Variants in CAMK4 observed in about 807,000 individuals in gnomAD.
CAMK4 encodes calcium/calmodulin dependent protein kinase IV, also known as calcium/calmodulin-dependent protein kinase type IV.
In CAMK4, 22 loss-of-function variants were observed where a neutral mutation model predicts 44.9. That is an observed-to-expected ratio of 0.49 (90% confidence interval 0.35 to 0.70). The LOEUF (loss-of-function observed/expected upper bound fraction) is 0.70. CAMK4 is among the 30% of genes least tolerant of loss of function. The pLI is 0.01. For missense variants in CAMK4, 498 were observed against 586.8 expected (o/e 0.85, Z 1.56); for synonymous variants, 218 against 215.4 (o/e 1.01, Z -0.11).
chr5:111,445,059 T>C (rs1010284421), intron 5 of CAMK4, among the ~76,000 whole-genome samples: 61 of 152,344 alleles, frequency 4.0e-4, no homozygotes, highest in African/African-American at 1.3e-3. Flanking sequence ...ATAAAAATGC[T>C]GTATGCCTTG....
At position 111,491,195 on chromosome 5, in the gene CAMK4, A is replaced by G. The variant is rs1460846208; in HGVS notation, c.*6729A>G. 5 of 152,190 alleles carry G rather than the reference A, an allele frequency of 3.3e-5. No homozygotes were observed. The highest frequency in any genetic ancestry group is 1.2e-4 in the African/African-American group (5 of 41,450). 9.4% of individuals were successfully genotyped at this position (152,190 alleles called of 1,614,324 possible). On this transcript the variant is annotated 3_prime_UTR_variant, in exon 11 of 11. Coordinates refer to ENST00000282356, the MANE Select transcript of CAMK4 (RefSeq NM_001744.6). The stretch of plus-strand genomic sequence containing the variant: ...AAGCAACCAATGATTCACAGAGCAA[A>G]TCTACCAAAGCCCCATTTTTATTGG...
chr5:111,385,933 G>C (rs1441589736), intron 4 of CAMK4, among the ~76,000 whole-genome samples: 1 of 151,996 alleles, frequency 6.6e-6, no homozygotes, highest in Non-Finnish European at 1.5e-5. Context: ...AAGTAGACTG[G>C]GAATCTTTTA....
At chr5:111,298,575 G>T (rs11960269) in intron 1 of CAMK4, among the ~76,000 whole-genome samples, 50,804 of 152,060 alleles carry the variant, frequency 0.33, 8,913 homozygotes, top group African/African-American at 0.44. Flanking sequence ...CTGCATAACG[G>T]GGAGCCACTA....
intron 4 of CAMK4, among the ~76,000 whole-genome samples, chr5:111,389,552 G>T (rs1358620390): frequency 6.6e-6 from 1 of 152,160 alleles, no homozygotes; most frequent in Non-Finnish European, 1.5e-5. Context: ...GACAGCTCAT[G>T]GTTGTGGAAG....
At chr5:111,309,222 T>A (rs925244312) in intron 1 of CAMK4, among the ~76,000 whole-genome samples, 5 of 152,200 alleles carry the variant, frequency 3.3e-5, no homozygotes, top group African/African-American at 9.6e-5. Flanking sequence ...TCAGTAAGCA[T>A]GTACACCAAA....
intron 1 of CAMK4, among the ~76,000 whole-genome samples, chr5:111,334,031 G>T (rs184184866): frequency 1.4e-3 from 214 of 151,658 alleles, no homozygotes; most frequent in African/African-American, 5.0e-3. Context: ...GATTCAGCAA[G>T]TAAATGAACC....
rs1356436308 is a variant in CAMK4 at position 111,452,261 on chromosome 5, A to G, written c.625+3058A>G. On this transcript the variant is annotated intron_variant, in intron 7 of 10. Transcript: ENST00000282356. ...ATGACTAGAACATAGAGTTTTTGGT[A>G]CAGAGGGCACAAATGGACTTAGAAA... is the stretch of plus-strand genomic sequence containing the variant. 3.9e-5 allele frequency among the ~76,000 whole-genome samples: 6 copies of G among 152,202 alleles called. No homozygotes were observed. In the East Asian group the frequency reaches 1.2e-3, roughly 29 times the overall value.
intron 1 of CAMK4, chr5:111,282,918 C>T (rs556139898): frequency 1.3e-5 from 2 of 152,212 alleles, no homozygotes; most frequent in Non-Finnish European, 2.9e-5. Flanking sequence ...GGCAAAATCA[C>T]CTGGCAGCAC....
At chr5:111,457,248 C>T (rs1254775411) in intron 7 of CAMK4, among the ~76,000 whole-genome samples, 1 of 152,138 alleles carries the variant, frequency 6.6e-6, no homozygotes, top group Non-Finnish European at 1.5e-5. Context: ...CAATAATCTT[C>T]TCTTCCTCAC....
chr5:111,286,715 AT>A (rs1751251626), intron 1 of CAMK4, among the ~76,000 whole-genome samples: 1 of 152,154 alleles, frequency 6.6e-6, no homozygotes. Flanking sequence ...TTATAAATAT[AT>A]TTTTAGTATT....
At chr5:111,247,633 A>G (rs1328099062) in intron 1 of CAMK4, among the ~76,000 whole-genome samples, 4 of 152,032 alleles carry the variant, frequency 2.6e-5, no homozygotes, top group African/African-American at 9.7e-5. Context: ...AACTAATACT[A>G]TAGCTTTGAG....
At chr5:111,410,597 G>C (rs1476632253) in intron 5 of CAMK4, among the ~76,000 whole-genome samples, 1 of 152,136 alleles carries the variant, frequency 6.6e-6, no homozygotes, top group African/African-American at 2.4e-5. Context: ...GGTAGTAGTT[G>C]TTTGCCAAAA....
chr5:111,409,040 G>A (rs899739717), intron 5 of CAMK4, among the ~76,000 whole-genome samples: 2 of 152,136 alleles, frequency 1.3e-5, no homozygotes, highest in Non-Finnish European at 2.9e-5. Flanking sequence ...GCTTTTCCAG[G>A]TGCACAGTTC....
chr5:111,248,244 T>C (rs898560682), intron 1 of CAMK4, among the ~76,000 whole-genome samples: 3 of 152,236 alleles, frequency 2.0e-5, no homozygotes, highest in Admixed American at 2.0e-4. Flanking sequence ...CTGAGAGATA[T>C]TTTTAAATAA....
At chr5:111,476,316 G>A (rs540840966) in intron 8 of CAMK4, among the ~76,000 whole-genome samples, 1 of 151,202 alleles carries the variant, frequency 6.6e-6, no homozygotes, top group African/African-American at 2.4e-5. Context: ...GTCTTGCTCT[G>A]TCTCCCAGGC....
At chr5:111,228,285 T>G (rs1748293598) in intron 1 of CAMK4, among the ~76,000 whole-genome samples, 1 of 152,226 alleles carries the variant, frequency 6.6e-6, no homozygotes. Context: ...TTAGTTCCCA[T>G]TCCACTTACT....
intron 5 of CAMK4, among the ~76,000 whole-genome samples, chr5:111,429,548 T>C (rs1479343653): frequency 1.3e-5 from 2 of 151,854 alleles, no homozygotes; most frequent in Admixed American, 6.6e-5. Flanking sequence ...GCTCTCTATT[T>C]GTTTGCTTGA....
intron 1 of CAMK4, among the ~76,000 whole-genome samples, chr5:111,288,621 C>T (rs1341071946): frequency 6.6e-6 from 1 of 152,120 alleles, no homozygotes; most frequent in African/African-American, 2.4e-5. Context: ...TATTGTTTAT[C>T]TTTTCTGTGT....
At chr5:111,440,777 A>C (rs1753795389) in intron 5 of CAMK4, among the ~76,000 whole-genome samples, 1 of 152,194 alleles carries the variant, frequency 6.6e-6, no homozygotes, top group Non-Finnish European at 1.5e-5. Context: ...AAAAATATGA[A>C]TTATAAAGCA....
Sources: gnomAD v4.1 joint callset for allele counts (sites outside exome capture counted in the v4.1 genomes callset) on GRCh38, gnomAD v4.1.1 for gene constraint, MANE v1.5 for transcripts, NCBI Gene and HGNC (gene_info 2026-07-23, HGNC 2026-07-21) for gene names.